Variants in RASAL2 observed in about 807,000 individuals in gnomAD.
RASAL2 encodes the protein ras GTPase-activating protein nGAP.
A neutral mutation model predicts 128.9 loss-of-function variants in RASAL2; 58 were observed. That is an observed-to-expected ratio of 0.45 (90% CI 0.36 to 0.56). The LOEUF (loss-of-function observed/expected upper bound fraction) is 0.56. RASAL2 is among the 20% of genes least tolerant of loss of function. The pLI is 0.00. For synonymous variants in RASAL2, 561 were observed against 580.8 expected, an observed-to-expected ratio of 0.97 and a Z score of 0.49; for missense variants, 1,360 against 1,601.6, an observed-to-expected ratio of 0.85 and a Z score of 2.57.
At chr1:178,197,120 C>A (rs1288182485) in intron 1 of RASAL2, among the ~76,000 whole-genome samples, 1 of 152,156 alleles carries the variant, frequency 6.6e-6, no homozygotes, top group East Asian at 1.9e-4. Flanking sequence ...TAAAGACCAG[C>A]CTGGCCAACA....
At chr1:178,202,277 A>T (rs1361620497) in intron 1 of RASAL2, among the ~76,000 whole-genome samples, 1 of 152,224 alleles carries the variant, frequency 6.6e-6, no homozygotes. Flanking sequence ...AAGTGGCTCA[A>T]ACGCCCATGG....
intron 3 of RASAL2, among the ~76,000 whole-genome samples, chr1:178,308,816 G>A (rs1668113528): frequency 6.6e-6 from 1 of 151,872 alleles, no homozygotes; most frequent in Non-Finnish European, 1.5e-5. Context: ...ATTAGCCTCA[G>A]TTCTAACTTT....
rs766584516 is a variant in RASAL2, at chr1:178,371,355, T to TACACACACACACACACACAC, written c.458-18742_458-18723dup. The stretch of plus-strand genomic sequence containing the variant: ...ACACACACACACACACACACACAAA[T>TACACACACACACACACACAC]ACACACACACACACACACACACTTC... On this transcript the variant is annotated intron_variant, in intron 3 of 17. Transcript: ENST00000367649. 2.5e-3 allele frequency among the ~76,000 whole-genome samples: 320 copies of TACACACACACACACACACAC among 127,696 alleles called. 3 individuals are homozygous for TACACACACACACACACACAC. Among genetic ancestry groups the TACACACACACACACACACAC allele is most frequent in the African/African-American group, 8.2e-3 (269 of 32,846 alleles). 83.8% of individuals were successfully genotyped at this position (127,696 alleles called of 152,430 possible). A position where few individuals can be genotyped will look rare whatever the true frequency, so the allele number is the denominator to read the frequency against.
chr1:178,248,507 G>A (rs760179788), intron 1 of RASAL2, among the ~76,000 whole-genome samples: 32 of 152,104 alleles, frequency 2.1e-4, no homozygotes, highest in African/African-American at 6.0e-4. Flanking sequence ...CTAGTTTACC[G>A]GTTTGTGCCT....
At chr1:178,121,704 T>C (rs772415429) in intron 1 of RASAL2, among the ~76,000 whole-genome samples, 1 of 152,128 alleles carries the variant, frequency 6.6e-6, no homozygotes, top group Non-Finnish European at 1.5e-5. Context: ...CAGGCTGGTC[T>C]TGAATTTCCT....
chr1:178,284,170 T>G (rs1019820081), intron 2 of RASAL2, among the ~76,000 whole-genome samples: 3 of 152,220 alleles, frequency 2.0e-5, no homozygotes, highest in African/African-American at 7.2e-5. Context: ...CACCCTGGGC[T>G]TCCAAGGCAA....
At chr1:178,414,798 A>T (rs1268898950) in intron 4 of RASAL2, among the ~76,000 whole-genome samples, 1 of 152,056 alleles carries the variant, frequency 6.6e-6, no homozygotes, top group East Asian at 1.9e-4. Context: ...ATATAGCCCT[A>T]TTCATATTGT....
At chr1:178,296,115 G>GTA (rs1303919317) in intron 2 of RASAL2, among the ~76,000 whole-genome samples, 2 of 108,730 alleles carry the variant, frequency 1.8e-5, no homozygotes, top group East Asian at 2.4e-4. Flanking sequence ...ATATATGTGT[G>GTA]TATATATATG....
chr1:178,405,504 A>T (rs767713376), intron 4 of RASAL2, among the ~76,000 whole-genome samples: 18 of 152,242 alleles, frequency 1.2e-4, no homozygotes, highest in Non-Finnish European at 2.5e-4. Context: ...ATCCAGTCAG[A>T]TCACGAGACT....
intron 13 of RASAL2, 29 bp from the exon 14 acceptor site, chr1:178,457,654 G>A: frequency 6.3e-6 from 10 of 1,596,020 alleles, no homozygotes; most frequent in Non-Finnish European, 8.5e-6. Flanking sequence ...TGTCTCAAGA[G>A]AAATTAAGTG....
intron 3 of RASAL2, among the ~76,000 whole-genome samples, chr1:178,306,745 G>A (rs956930529): frequency 6.6e-6 from 1 of 151,198 alleles, no homozygotes; most frequent in African/African-American, 2.4e-5. Context: ...TGATGGGGTT[G>A]TTTGTTTTCT....
intron 1 of RASAL2, among the ~76,000 whole-genome samples, chr1:178,144,270 T>C (rs896339311): frequency 6.6e-6 from 1 of 152,184 alleles, no homozygotes; most frequent in African/African-American, 2.4e-5. Flanking sequence ...ATTCTGTATT[T>C]TTCTTCTACC....
intron 1 of RASAL2, among the ~76,000 whole-genome samples, chr1:178,193,150 A>C (rs983457062): frequency 6.6e-6 from 1 of 152,236 alleles, no homozygotes; most frequent in African/African-American, 2.4e-5. Flanking sequence ...CTGCCATGAC[A>C]AATAAATCAG....
chr1:178,098,293 G>C (rs1475641746), intron 1 of RASAL2, among the ~76,000 whole-genome samples: 1 of 152,154 alleles, frequency 6.6e-6, no homozygotes, highest in African/African-American at 2.4e-5. Flanking sequence ...TGACTGTATG[G>C]GTGGTAGAGT....
chr1:178,467,366 A>T lies in RASAL2; in HGVS notation c.3623A>T (p.Asp1208Val), dbSNP rs1453982846. 5 of 1,614,176 alleles carry T rather than the reference A, an allele frequency of 3.1e-6. No homozygotes were observed. Among genetic ancestry groups the T allele is most frequent in the Non-Finnish European group, 4.2e-6 (5 of 1,180,016 alleles). Residue 1208 changes from aspartate to valine, a missense_variant, in exon 17 of 18, where the codon GAT becomes GTT. By Grantham distance (152) the Asp-to-Val change is radical. Around this residue, in one of 3 missense-constraint regions of RASAL2, gnomAD observed 741 missense variants for 868.6 expected, o/e 0.85. Transcript: ENST00000367649. Reference protein sequence around the residue: ...LMAVEEELKKDHAEMQAVIDA... With the variant: ...LMAVEEELKKVHAEMQAVIDA... ...GCTGTGGAAGAGGAACTGAAGAAGG[A>T]TCATGCTGAGATGCAAGCAGTTATT...
chr1:178,455,244 A>G (rs1165986095), intron 12 of RASAL2, among the ~76,000 whole-genome samples: 2 of 152,170 alleles, frequency 1.3e-5, no homozygotes, highest in Non-Finnish European at 2.9e-5. Context: ...CATGCCAATC[A>G]TTTTCTTCCT....
At chr1:178,362,244 C>T (rs1265788545) in intron 3 of RASAL2, among the ~76,000 whole-genome samples, 4 of 152,134 alleles carry the variant, frequency 2.6e-5, no homozygotes, top group Non-Finnish European at 4.4e-5. Flanking sequence ...TATACAAATA[C>T]TGTGCCCTCT....
chr1:178,380,809 C>T (rs1672241006), intron 3 of RASAL2, among the ~76,000 whole-genome samples: 1 of 152,156 alleles, frequency 6.6e-6, no homozygotes, highest in African/African-American at 2.4e-5. Flanking sequence ...TGATTCCAAT[C>T]TTGCAGTGAC....
At chr1:178,171,830 C>T (rs767879564) in intron 1 of RASAL2, among the ~76,000 whole-genome samples, 2 of 151,838 alleles carry the variant, frequency 1.3e-5, no homozygotes, top group Non-Finnish European at 2.9e-5. Flanking sequence ...TACAAATTTG[C>T]CTTCTTACTT....
Sources: allele counts gnomAD v4.1 joint callset (sites outside exome capture counted in the v4.1 genomes callset), GRCh38; gene constraint gnomAD v4.1.1; regional missense constraint gnomAD v4.1.1; transcripts MANE v1.5; gene names NCBI Gene and HGNC (gene_info 2026-07-23, HGNC 2026-07-21).